Variants in CCDC178 observed in about 807,000 individuals in gnomAD.
The protein encoded by CCDC178 is coiled-coil domain-containing protein 178.
A neutral mutation model predicts 117.4 loss-of-function variants in CCDC178; 126 were observed. The observed-to-expected ratio is 1.07, with a 90% confidence interval of 0.93 to 1.24. CCDC178 has a LOEUF of 1.24. Ranked by LOEUF, CCDC178 falls within the 50% of genes most tolerant of loss-of-function variation. The pLI, the probability that CCDC178 is intolerant of heterozygous loss-of-function variation, is 0.00. For missense variants in CCDC178, 1,030 were observed against 986.9 expected (o/e 1.04, Z -0.59); for synonymous variants, 283 against 313.4 (o/e 0.90, Z 1.02).
At chr18:33,257,049 G>T (rs1368755332) in intron 14 of CCDC178, among the ~76,000 whole-genome samples, 2 of 151,712 alleles carry the variant, frequency 1.3e-5, no homozygotes, top group Non-Finnish European at 2.9e-5. Context: ...ATTCATGTTG[G>T]AATTTTCCTT....
At chr18:32,938,500 T>C (rs895694528) in intron 22 of CCDC178, among the ~76,000 whole-genome samples, 14 of 152,204 alleles carry the variant, frequency 9.2e-5, no homozygotes, top group African/African-American at 3.4e-4. Context: ...CTTCAACAAC[T>C]GGATGTTCGT....
chr18:33,181,717 T>C (rs1180890361), intron 20 of CCDC178, among the ~76,000 whole-genome samples: 2 of 151,958 alleles, frequency 1.3e-5, no homozygotes, highest in African/African-American at 4.8e-5. Context: ...CATACATTAA[T>C]ATAGTCTGTG....
intron 11 of CCDC178, among the ~76,000 whole-genome samples, chr18:33,317,549 C>G (rs1221173931): frequency 6.6e-6 from 1 of 152,164 alleles, no homozygotes; most frequent in Non-Finnish European, 1.5e-5. Flanking sequence ...TTGCTTTTGC[C>G]TTGCACTGTG....
At chr18:33,318,515 G>T (rs1401031804) in intron 11 of CCDC178, among the ~76,000 whole-genome samples, 1 of 152,090 alleles carries the variant, frequency 6.6e-6, no homozygotes, top group Non-Finnish European at 1.5e-5. Context: ...GAAAATGTGA[G>T]AAAACGATCA....
chr18:32,945,002 A>T (rs1204357523), intron 22 of CCDC178, among the ~76,000 whole-genome samples: 2 of 152,136 alleles, frequency 1.3e-5, no homozygotes, highest in Non-Finnish European at 2.9e-5. Flanking sequence ...AGTTTGGGGT[A>T]TGTCTTTATC....
At chr18:33,248,729 G>A (rs139412143) in intron 14 of CCDC178, among the ~76,000 whole-genome samples, 5,416 of 152,024 alleles carry the variant, frequency 0.036, 123 homozygotes, top group East Asian at 0.12. Flanking sequence ...ATAAACATAC[G>A]TTTGCATGTG....
intron 20 of CCDC178, among the ~76,000 whole-genome samples, chr18:33,109,971 T>A (rs920487993): frequency 6.6e-6 from 1 of 151,490 alleles, no homozygotes; most frequent in Non-Finnish European, 1.5e-5. Context: ...TCCTGACATA[T>A]GCATATGTTC....
intron 12 of CCDC178, among the ~76,000 whole-genome samples, chr18:33,280,796 C>T (rs1166151652): frequency 6.6e-6 from 1 of 152,096 alleles, no homozygotes; most frequent in Non-Finnish European, 1.5e-5. Context: ...AGTTCATGTC[C>T]TTTGTAGGGA....
At chr18:33,037,363 T>C (rs1333569406) in intron 21 of CCDC178, among the ~76,000 whole-genome samples, 1 of 151,920 alleles carries the variant, frequency 6.6e-6, no homozygotes, top group Non-Finnish European at 1.5e-5. Context: ...TCCAGGAATT[T>C]TCTCCACAAA....
chr18:33,211,947 C>G lies in CCDC178; in HGVS notation c.2187G>C (p.Gln729His). Residue 729 changes from glutamine to histidine, a missense_variant, in exon 20 of 23, where the codon CAG (glutamine) becomes CAC (histidine). Transcript: ENST00000383096. ...TTACAGCAAGGAGCACTCTAAATCT[C>G]TGATCTTCCTCAAAGATTCTCTCTT... is the stretch of plus-strand genomic sequence containing the variant. ...DCEERIFEED[Q>H]RFRVLLAVRQ... 6.2e-7 allele frequency: 1 copy of G among 1,609,852 alleles called. No homozygotes were observed. Among genetic ancestry groups the G allele is most frequent in the Non-Finnish European group, 8.5e-7 (1 of 1,177,858 alleles).
At chr18:33,104,994 T>C (rs1261999286) in intron 20 of CCDC178, among the ~76,000 whole-genome samples, 1 of 151,684 alleles carries the variant, frequency 6.6e-6, no homozygotes, top group African/African-American at 2.4e-5. Flanking sequence ...AATAATTCTT[T>C]TTATATTTGT....
At chr18:32,957,062 A>C (rs1402732688) in intron 22 of CCDC178, among the ~76,000 whole-genome samples, 2 of 152,178 alleles carry the variant, frequency 1.3e-5, no homozygotes, top group Non-Finnish European at 2.9e-5. Context: ...TCAGCCCTGG[A>C]TTTTGACTTT....
At chr18:33,374,258 C>T (rs2063336640) in intron 5 of CCDC178, among the ~76,000 whole-genome samples, 1 of 152,122 alleles carries the variant, frequency 6.6e-6, no homozygotes, top group African/African-American at 2.4e-5. Flanking sequence ...GAATCCCTGA[C>T]CAATAACTTC....
intron 11 of CCDC178, among the ~76,000 whole-genome samples, chr18:33,305,964 G>A (rs988924108): frequency 6.6e-6 from 1 of 152,158 alleles, no homozygotes; most frequent in Non-Finnish European, 1.5e-5. Context: ...ATCCCTGGGT[G>A]CAATGGCCAG....
At chr18:33,148,465 G>A (rs141154191) in intron 20 of CCDC178, among the ~76,000 whole-genome samples, 6 of 151,426 alleles carry the variant, frequency 4.0e-5, no homozygotes, top group East Asian at 3.9e-4. Context: ...GAGGGAGACC[G>A]TGGGGAGAGG....
intron 2 of CCDC178, among the ~76,000 whole-genome samples, chr18:33,425,590 G>C (rs938926236): frequency 1.3e-5 from 2 of 152,152 alleles, no homozygotes. Context: ...ATTATCTCTA[G>C]AGGATTTTAA....
At chr18:33,215,419 A>C in intron 19 of CCDC178, 131 bp downstream of exon 19, 1 of 575,980 alleles carries the variant, frequency 1.7e-6, no homozygotes, top group East Asian at 3.8e-5. Flanking sequence ...CAAATAACAC[A>C]TATATATTCC....
Position 33,366,121 on chromosome 18 carries a change from A to G in CCDC178, c.348+3929T>C, listed in dbSNP as rs185119476. ...TAAAAGACTGATCTTTTACTCATTC[A>G]GTGTACGTTATACCCAGGGTAGATG... On this transcript the variant is annotated intron_variant, in intron 6 of 22. Transcript: ENST00000383096. Among the ~76,000 whole-genome samples, 655 of 152,172 alleles carry G rather than the reference A, an allele frequency of 4.3e-3. 2 individuals carry two copies. The highest frequency in any genetic ancestry group is 0.015 in the African/African-American group (633 of 41,536).
chr18:33,201,987 C>T (rs1382638775), intron 20 of CCDC178, among the ~76,000 whole-genome samples: 1 of 152,142 alleles, frequency 6.6e-6, no homozygotes, highest in East Asian at 1.9e-4. Context: ...ATGTGTTCCC[C>T]TGGTTTCAAC....
Sources: allele counts gnomAD v4.1 joint callset (sites outside exome capture counted in the v4.1 genomes callset), GRCh38; gene constraint gnomAD v4.1.1; transcripts MANE v1.5; gene names NCBI Gene and HGNC (gene_info 2026-07-23, HGNC 2026-07-21).